Variants in APOBEC3C observed in about 807,000 individuals in gnomAD.
APOBEC3C encodes the protein DNA dC->dU-editing enzyme APOBEC-3C.
In APOBEC3C, 14 loss-of-function variants were observed where a neutral mutation model predicts 20.6. That is an observed-to-expected ratio of 0.68 (90% CI 0.45 to 1.06). The LOEUF is 1.06. Ranked by LOEUF, APOBEC3C falls within the 50% of genes least tolerant of loss-of-function variation. The pLI is 0.00. For missense variants in APOBEC3C, 244 were observed against 241.9 expected (o/e 1.01, Z -0.06); for synonymous variants, 98 against 88.8 (o/e 1.10, Z -0.58).
rs184515602 is a variant in APOBEC3C, at chr22:39,017,497, C to G, written c.175-269C>G. Among the ~76,000 whole-genome samples the G allele has an allele frequency of 4.0e-3, 601 of 151,966 alleles. 6 individuals carry two copies. The highest frequency in any genetic ancestry group is 0.014 in the African/African-American group (571 of 41,454). ...TAAAAAAATTATTTAAAAAATTAGG[C>G]AGGTGTGGCGGCATGCACCTGCATC... On this transcript the variant is annotated intron_variant, in intron 2 of 3. Transcript: ENST00000361441.
At position 39,019,295 on chromosome 22, in the gene APOBEC3C, G is replaced by A. The variant is rs1047068193; in HGVS notation, c.*908G>A. ...TCTTGGACTCCTTGCTCCAAACGCA[G>A]CGACTCAGCAATAGAACCTCCCAGC... On this transcript the variant is annotated 3_prime_UTR_variant, in exon 4 of 4. Coordinates refer to ENST00000361441, the MANE Select transcript of APOBEC3C (RefSeq NM_014508.3). 3 of 152,200 alleles carry A rather than the reference G, an allele frequency of 2.0e-5. No homozygotes were observed. Among genetic ancestry groups the A allele is most frequent in the African/African-American group, 7.2e-5 (3 of 41,432 alleles). The allele number at this position is 152,200 out of a possible 1,614,324, so 9.4% of individuals were successfully genotyped here. A position where few individuals can be genotyped will look rare whatever the true frequency, so the allele number is the denominator to read the frequency against.
chr22:39,018,305 A>G lies in APOBEC3C; in HGVS notation c.491A>G (p.Asp164Gly), dbSNP rs1443405528. ...TGTTGGGAAAACTTTGTGTACAATG[A>G]TAATGAGCCATTCAAGCCTTGGAAG... The part of the protein sequence containing the change: ...KYCWENFVYN[D>G]NEPFKPWKGL... The change falls in exon 4 of 4, where the codon GAT (aspartate) becomes GGT (glycine). Residue 164 changes from aspartate to glycine, a missense_variant. Transcript: ENST00000361441. The G allele has an allele frequency of 6.8e-6, 11 of 1,614,038 alleles. No individual in the cohort carries two copies. Among genetic ancestry groups the G allele is most frequent in the Non-Finnish European group, 9.3e-6 (11 of 1,180,006 alleles).
intron 1 of APOBEC3C, 124 bp from the exon 2 acceptor site, chr22:39,015,471 G>A: frequency 2.7e-6 from 3 of 1,120,494 alleles, no homozygotes; most frequent in South Asian, 3.1e-5. Flanking sequence ...CATTCTCAGG[G>A]CTGTGGAGGG....
intron 2 of APOBEC3C, among the ~76,000 whole-genome samples, chr22:39,016,166 C>T (rs1828745497): frequency 7.8e-6 from 1 of 129,022 alleles, no homozygotes; most frequent in Non-Finnish European, 1.7e-5. Context: ...GCGTGAGACA[C>T]CATGCCCCTG....
In APOBEC3C at chr22:39,018,799, T is replaced by C. The variant is rs978137774; in HGVS notation, c.*412T>C. On this transcript the variant is annotated 3_prime_UTR_variant, in exon 4 of 4. Transcript: ENST00000361441. ...GAGTTCCAGACCAGGCTGGGTCACA[T>C]GACAAAGCCCCATCTCTACAAAAAA... is the stretch of plus-strand genomic sequence containing the variant. 1 of 107,664 alleles carries C rather than the reference T, an allele frequency of 9.3e-6. No homozygotes were observed. Among genetic ancestry groups the C allele is most frequent in the Non-Finnish European group, 1.7e-5 (1 of 59,648 alleles). The allele number at this position is 107,664 out of a possible 1,614,324, so 6.7% of individuals were successfully genotyped here.
At position 39,019,280 on chromosome 22, in the gene APOBEC3C, C is replaced by G. The variant is rs1924924785; in HGVS notation, c.*893C>G. 6.6e-6 allele frequency: 1 copy of G among 152,206 alleles called. No homozygotes were observed. Among genetic ancestry groups the G allele is most frequent in the Non-Finnish European group, 1.5e-5 (1 of 68,052 alleles). 9.4% of individuals were successfully genotyped at this position (152,206 alleles called of 1,614,324 possible). On this transcript the variant is annotated 3_prime_UTR_variant, in exon 4 of 4. Transcript: ENST00000361441. ...ATAAATGGCTGTAAGTCTTGGACTC[C>G]TTGCTCCAAACGCAGCGACTCAGCA...
rs576543647 is a variant in APOBEC3C at position 39,017,820 on chromosome 22, G to A, written c.229G>A (p.Asp77Asn). 33 of 1,613,984 alleles carry A rather than the reference G, an allele frequency of 2.0e-5. No individual in the cohort carries two copies. The highest frequency in any genetic ancestry group is 6.7e-5 in the East Asian group (3 of 44,884). The change falls in exon 3 of 4, where the codon GAC becomes AAC. Residue 77 changes from aspartate (D) to asparagine (N), a missense_variant. By Grantham distance (23) the Asp-to-Asn change is conservative (BLOSUM62 1). Transcript: ENST00000361441. ...AAGGTGCTTCCTCTCTTGGTTCTGCGACGACATACTGTCTCCTAACACAAA... is the reference window on the plus strand; with the variant it reads ...AAGGTGCTTCCTCTCTTGGTTCTGCAACGACATACTGTCTCCTAACACAAA... ...AERCFLSWFC[D>N]DILSPNTKYQ...
intron 3 of APOBEC3C, 73 bp from the exon 4 acceptor site, chr22:39,018,196 C>T: frequency 6.3e-7 from 1 of 1,575,206 alleles, no homozygotes; most frequent in South Asian, 1.2e-5. Flanking sequence ...GATACCTGGG[C>T]TGGGAGGGGA....
intron 1 of APOBEC3C, 139 bp downstream of exon 1, chr22:39,014,518 T>G: frequency 1.1e-6 from 1 of 925,084 alleles, no homozygotes; most frequent in Non-Finnish European, 1.5e-6. Flanking sequence ...CTGCCCCCAC[T>G]CCCAGCCAAG....
rs1603273549 is a variant in APOBEC3C, at chr22:39,017,766, G to C, written c.175G>C (p.Val59Leu). ...TGTCCTCCTCCTCCTCCTTCGCCAG[G>C]TGGATTCTGAGACCCATTGTCATGC... ...SWKTGVFRNQ[V>L]DSETHCHAER... The change falls in exon 3 of 4, where the codon GTG becomes CTG. Residue 59 changes from valine to leucine, a missense_variant and splice_region_variant. Physicochemically the swap from Val to Leu is conservative, Grantham distance 32. Coordinates refer to ENST00000361441, the MANE Select transcript of APOBEC3C (RefSeq NM_014508.3). The C allele has an allele frequency of 6.2e-7, 1 of 1,612,134 alleles. No homozygotes were observed. Among genetic ancestry groups the C allele is most frequent in the East Asian group, 2.2e-5 (1 of 44,838 alleles).
At position 39,018,818 on chromosome 22, in the gene APOBEC3C, CAAAAAAAA is replaced by C. The variant is rs57039400; in HGVS notation, c.*451_*458del. On this transcript the variant is annotated 3_prime_UTR_variant, in exon 4 of 4. Coordinates refer to ENST00000361441, the MANE Select transcript of APOBEC3C (RefSeq NM_014508.3). ...GTCACATGACAAAGCCCCATCTCTA[CAAAAAAAA>C]AAAAAAAAAAAAAAAAAAAGCCAGA... is the stretch of plus-strand genomic sequence containing the variant. The C allele has an allele frequency of 1.1e-4, 5 of 47,458 alleles. No individual in the cohort carries two copies. Among genetic ancestry groups the C allele is most frequent in the Non-Finnish European group, 1.8e-4 (5 of 27,422 alleles). The allele number at this position is 47,458 out of a possible 1,614,324, so 2.9% of individuals were successfully genotyped here.
At chr22:39,018,215 G>A (rs766530945) in intron 3 of APOBEC3C, 54 bp from the exon 4 acceptor site, 18 of 1,592,866 alleles carry the variant, frequency 1.1e-5, no homozygotes, top group South Asian at 2.3e-5. Context: ...GAGGGCCCAG[G>A]GCCAGGAGAG....
chr22:39,014,854 A>T (rs1924725492), intron 1 of APOBEC3C, among the ~76,000 whole-genome samples: 1 of 152,126 alleles, frequency 6.6e-6, no homozygotes, highest in Admixed American at 6.5e-5. Flanking sequence ...ACCAGAAAAT[A>T]AGTCACTTCT....
Position 39,014,288 on chromosome 22 carries a change from G to A in APOBEC3C, c.-75G>A, listed in dbSNP as rs551447246. ...AAGAGGGCTGCTCAACTGCAAGGAC[G>A]CTGTAAGCAGGAAGAGAAGCCACAG... On this transcript the variant is annotated 5_prime_UTR_variant, in exon 1 of 4. Transcript: ENST00000361441. 2.1e-5 allele frequency: 34 copies of A among 1,593,620 alleles called. No homozygotes were observed. In the East Asian group the frequency reaches 5.6e-4, roughly 26 times the overall value.
At position 39,018,619 on chromosome 22, in the gene APOBEC3C, C is replaced by T. The variant is rs570193002; in HGVS notation, c.*232C>T. The T allele has an allele frequency of 1.9e-5, 8 of 425,216 alleles. No individual in the cohort carries two copies. In the South Asian group the frequency reaches 2.7e-4, roughly 14 times the overall value. The allele number at this position is 425,216 out of a possible 1,614,324, so 26.3% of individuals were successfully genotyped here. ...GGCTATCCATCCACCCCCACAGACC[C>T]CGTTCCTCCAGCCTGCGTGCCCCTA... On this transcript the variant is annotated 3_prime_UTR_variant, in exon 4 of 4. Transcript: ENST00000361441.
In APOBEC3C at chr22:39,018,438, T is replaced by A. The variant is rs770790108; in HGVS notation, c.*51T>A. On this transcript the variant is annotated 3_prime_UTR_variant, in exon 4 of 4. Coordinates refer to ENST00000361441, the MANE Select transcript of APOBEC3C (RefSeq NM_014508.3). ...GTCTCCTCTAGCCTCCTGCTCATGC[T>A]GCACGGGCCTCCCCTCCACCCTGGA... is the stretch of plus-strand genomic sequence containing the variant. 2.4e-5 allele frequency: 38 copies of A among 1,588,158 alleles called. No homozygotes were observed. The South Asian group carries it at 4.3e-4, about 18-fold the overall frequency.
rs995215310 is a variant in APOBEC3C, at chr22:39,017,884, C to A, written c.293C>A (p.Pro98Gln). The A allele has an allele frequency of 1.9e-6, 3 of 1,614,092 alleles. No individual in the cohort carries two copies. The highest frequency in any genetic ancestry group is 2.5e-6 in the Non-Finnish European group (3 of 1,180,048). ...TGGTACACATCTTGGAGCCCTTGCC[C>A]AGACTGTGCAGGGGAGGTGGCCGAG... is the stretch of plus-strand genomic sequence containing the variant. ...VTWYTSWSPC[P>Q]DCAGEVAEFL... The change falls in exon 3 of 4, where the codon CCA becomes CAA. Residue 98 changes from proline to glutamine, a missense_variant. Transcript: ENST00000361441.
In APOBEC3C at chr22:39,015,614, T is replaced by C. The variant is rs145728799; in HGVS notation, c.37T>C (p.Tyr13His). ...PQIRNPMKAM[Y>H]PGTFYFQFKN... Reference sequence around the variant, plus strand: ...CTTCAGAAACCCGATGAAGGCAATGTATCCAGGCACATTCTACTTCCAATT... The same window carrying C: ...CTTCAGAAACCCGATGAAGGCAATGCATCCAGGCACATTCTACTTCCAATT... The change falls in exon 2 of 4, where the codon TAT (tyrosine) becomes CAT (histidine). Residue 13 changes from tyrosine (Y) to histidine (H), a missense_variant. Coordinates refer to ENST00000361441, the MANE Select transcript of APOBEC3C (RefSeq NM_014508.3). 7.0e-5 allele frequency: 113 copies of C among 1,613,982 alleles called. No individual in the cohort carries two copies. In the East Asian group the frequency reaches 2.4e-3, roughly 35 times the overall value.
intron 1 of APOBEC3C, among the ~76,000 whole-genome samples, chr22:39,015,387 C>T (rs550548994): frequency 4.6e-5 from 7 of 152,218 alleles, no homozygotes; most frequent in Non-Finnish European, 1.0e-4. Context: ...GAGAGGTCAC[C>T]CCGGCCCTGC....
Sources: allele counts gnomAD v4.1 joint callset (sites outside exome capture counted in the v4.1 genomes callset), GRCh38; gene constraint gnomAD v4.1.1; transcripts MANE v1.5; gene names NCBI Gene and HGNC (gene_info 2026-07-23, HGNC 2026-07-21).